Variants in JDP2 observed in about 807,000 individuals in gnomAD.
JDP2 encodes Jun dimerization protein 2.
A neutral mutation model predicts 17.1 loss-of-function variants in JDP2; 9 were observed. The observed-to-expected ratio is 0.53, with a 90% CI of 0.32 to 0.92. JDP2 has a LOEUF of 0.92. Among genes scored for constraint, JDP2 ranks in the 40% least tolerant of loss-of-function variants. The pLI is 0.04. For synonymous variants in JDP2, 107 were observed against 95.6 expected, an observed-to-expected ratio of 1.12 and a Z score of -0.69; for missense variants, 179 against 220.0, an observed-to-expected ratio of 0.81 and a Z score of 1.18.
rs1156910962 is a variant in JDP2, at chr14:75,471,915, A to G, written c.*2440A>G. 1 of 152,156 alleles carries G rather than the reference A, an allele frequency of 6.6e-6. No homozygotes were observed. The highest frequency in any genetic ancestry group is 2.4e-5 in the African/African-American group (1 of 41,398). 9.4% of individuals were successfully genotyped at this position (152,156 alleles called of 1,614,324 possible). A position where few individuals can be genotyped will look rare whatever the true frequency, so the allele number is the denominator to read the frequency against. On this transcript the variant is annotated 3_prime_UTR_variant, in exon 4 of 4. Transcript: ENST00000651602. ...CTTACCAGGGTCCCTCCAGTGACCT[A>G]GTGGATGTTCTTACAGGACTGCCGT...
rs549339120 is a variant in JDP2 at position 75,460,994 on chromosome 14, TG to T, written c.202-429del. On this transcript the variant is annotated intron_variant, in intron 2 of 3. Transcript: ENST00000651602. The stretch of plus-strand genomic sequence containing the variant: ...TGCTGCATCATCCTAGGGCAGAAGG[TG>T]GGAAAGCAAGAGAGTACAAGACAGC... Among the ~76,000 whole-genome samples, 340 of 152,222 alleles carry T rather than the reference TG, an allele frequency of 2.2e-3. 4 individuals are homozygous for T. Among genetic ancestry groups the T allele is most frequent in the South Asian group, 0.012 (57 of 4,814 alleles).
chr14:75,444,857 G>T (rs1885522121), intron 2 of JDP2, among the ~76,000 whole-genome samples: 1 of 152,180 alleles, frequency 6.6e-6, no homozygotes, highest in Non-Finnish European at 1.5e-5. Context: ...TCCAGTTTCT[G>T]GTTGTTTATG....
chr14:75,443,507 C>A (rs1342518481), intron 2 of JDP2, among the ~76,000 whole-genome samples: 1 of 152,124 alleles, frequency 6.6e-6, no homozygotes, highest in African/African-American at 2.4e-5. Flanking sequence ...TCTTTGAAAT[C>A]CGTAATTTCC....
intron 2 of JDP2, among the ~76,000 whole-genome samples, chr14:75,459,138 A>T (rs537307751): frequency 6.6e-6 from 1 of 152,344 alleles, no homozygotes. Flanking sequence ...AAGGCCTTGC[A>T]GTACCCAGGC....
intron 2 of JDP2, among the ~76,000 whole-genome samples, chr14:75,441,646 A>T (rs1373688194): frequency 6.6e-6 from 1 of 152,216 alleles, no homozygotes; most frequent in East Asian, 1.9e-4. Context: ...GCTCATTCTG[A>T]TGGTTGGCCA....
rs1413217329 is a variant in JDP2, at chr14:75,430,774, G to A, written c.-24+2522G>A. On this transcript the variant is annotated intron_variant, in intron 1 of 3. Transcript: ENST00000651602. The surrounding 1 kb of genome is among the most constrained non-coding windows in gnomAD (Gnocchi z 4.5). ...TGCCAAGCTCCATGTGCCTGTGTATGTGTGTGTGCGTGTGCATGTGTGTGC... is the reference window on the plus strand; with the variant it reads ...TGCCAAGCTCCATGTGCCTGTGTATATGTGTGTGCGTGTGCATGTGTGTGC... 6.6e-6 allele frequency among the ~76,000 whole-genome samples: 1 copy of A among 152,178 alleles called. No individual in the cohort carries two copies. The highest frequency in any genetic ancestry group is 6.5e-5 in the Admixed American group (1 of 15,280).
chr14:75,441,321 T>C (rs1942396404), intron 2 of JDP2, among the ~76,000 whole-genome samples: 1 of 152,262 alleles, frequency 6.6e-6, no homozygotes, highest in African/African-American at 2.4e-5. Context: ...TTGTGAATTA[T>C]AAAGTGCTTT....
chr14:75,462,067 C>T (rs924960202), intron 3 of JDP2, among the ~76,000 whole-genome samples: 1 of 152,244 alleles, frequency 6.6e-6, no homozygotes, highest in African/African-American at 2.4e-5. Flanking sequence ...CTCTTTGCTG[C>T]TACCTCTGGG....
In JDP2 at chr14:75,438,000, G is replaced by C. The variant is rs1182124926; in HGVS notation, c.80G>C (p.Ser27Thr). Residue 27 changes from serine to threonine, a missense_variant, in exon 2 of 4, where the codon AGC becomes ACC. Transcript: ENST00000651602. Reference protein sequence around the residue: ...PGLGPLTGLPSSALTVEELKY... With the variant: ...PGLGPLTGLPTSALTVEELKY... ...CTTGGCCCCCTGACCGGGCTCCCCA[G>C]CTCGGCCCTGACTGTGGAGGAGCTG... 1 of 1,613,814 alleles carries C rather than the reference G, an allele frequency of 6.2e-7. No individual in the cohort carries two copies.
At position 75,469,508 on chromosome 14, in the gene JDP2, G is replaced by A. The variant is rs1886724954; in HGVS notation, c.*33G>A. The A allele has an allele frequency of 3.1e-6, 5 of 1,598,678 alleles. No homozygotes were observed. The highest frequency in any genetic ancestry group is 4.3e-6 in the Non-Finnish European group (5 of 1,171,990). ...CTGGGAGGAGGTGGAGGAGGAGGAA[G>A]AGGAGAAGGAAAAGTGACGAAGAGA... On this transcript the variant is annotated 3_prime_UTR_variant, in exon 4 of 4. Transcript: ENST00000651602.
intron 2 of JDP2, among the ~76,000 whole-genome samples, chr14:75,449,758 A>T (rs1314282143): frequency 6.6e-6 from 1 of 152,216 alleles, no homozygotes; most frequent in African/African-American, 2.4e-5. Flanking sequence ...AGCAATCATC[A>T]TCTCTTTTTC....
intron 2 of JDP2, among the ~76,000 whole-genome samples, chr14:75,440,793 C>T (rs140307956): frequency 2.0e-4 from 30 of 152,280 alleles, no homozygotes; most frequent in African/African-American, 6.7e-4. Flanking sequence ...TTGTGAAGTA[C>T]CTTGTTTACC....
chr14:75,455,900 CTGCCTT>C (rs145663685), intron 2 of JDP2, among the ~76,000 whole-genome samples: 1,612 of 152,322 alleles, frequency 0.011, 19 homozygotes, highest in Non-Finnish European at 0.015. Flanking sequence ...TGACCCACCT[CTGCCTT>C]TTATTGGCGG....
At chr14:75,450,581 G>A (rs1282870731) in intron 2 of JDP2, among the ~76,000 whole-genome samples, 2 of 152,222 alleles carry the variant, frequency 1.3e-5, no homozygotes, top group African/African-American at 2.4e-5. Context: ...TGGCTGAGCT[G>A]ATTTGAGTGA....
In JDP2 at chr14:75,470,039, A is replaced by G. The variant is rs1886752406; in HGVS notation, c.*564A>G. ...TGCCCAGGAGGCGGCAGCCGGGCGC[A>G]CCCTCGCCAGCCCTGCTGGAGTTTG... On this transcript the variant is annotated 3_prime_UTR_variant, in exon 4 of 4. Transcript: ENST00000651602. The G allele has an allele frequency of 6.6e-6, 1 of 152,670 alleles. No homozygotes were observed. The highest frequency in any genetic ancestry group is 1.5e-5 in the Non-Finnish European group (1 of 68,140). The allele number at this position is 152,670 out of a possible 1,614,324, so 9.5% of individuals were successfully genotyped here.
Position 75,431,001 on chromosome 14 carries a change from G to C in JDP2, c.-24+2749G>C, listed in dbSNP as rs114784138. On this transcript the variant is annotated intron_variant, in intron 1 of 3. Transcript: ENST00000651602. ...CTGCAGCCCACGGGATTTAGTTGCA[G>C]AGCTCCATTTGCAAAGCTTCAGCTG... Among the ~76,000 whole-genome samples, 333 of 152,272 alleles carry C rather than the reference G, an allele frequency of 2.2e-3. 1 individual carries two copies. Among genetic ancestry groups the C allele is most frequent in the African/African-American group, 7.6e-3 (316 of 41,546 alleles).
intron 2 of JDP2, chr14:75,445,342 C>A: frequency 1.0e-6 from 1 of 985,540 alleles, no homozygotes; most frequent in African/African-American, 1.7e-5. Context: ...AGGTTGTGTA[C>A]AACCTGCCAT....
At chr14:75,432,354 C>T in intron 1 of JDP2, 1 of 1,550,826 alleles carries the variant, frequency 6.4e-7, no homozygotes. Flanking sequence ...GCGCCATGAC[C>T]CCTGGCCTGG....
chr14:75,438,692 G>T lies in JDP2; in HGVS notation c.201+571G>T, dbSNP rs1240874485. ...TGGCCTCGGTCAGCCAGCAGTGTCC[G>T]CCTTAGATGGCGTTTGCCCGGGACC... On this transcript the variant is annotated intron_variant, in intron 2 of 3. Coordinates refer to ENST00000651602, the MANE Select transcript of JDP2 (RefSeq NM_001135048.2). Among the ~76,000 whole-genome samples, 6 of 152,200 alleles carry T rather than the reference G, an allele frequency of 3.9e-5. No homozygotes were observed. In the East Asian group the frequency reaches 9.6e-4, roughly 24 times the overall value.
Sources: gnomAD v4.1 joint callset for allele counts (sites outside exome capture counted in the v4.1 genomes callset) on GRCh38, gnomAD v4.1.1 for gene constraint, Gnocchi (gnomAD v3.1) non-coding constraint, MANE v1.5 for transcripts, NCBI Gene and HGNC (gene_info 2026-07-23, HGNC 2026-07-21) for gene names.